The following COL5A1 variants were observed in gnomAD, a reference collection of about 807,000 sequenced individuals.
COL5A1 encodes the protein collagen alpha-1(V) chain.
A neutral mutation model predicts 263.7 loss-of-function variants in COL5A1; 16 were observed. That is an observed-to-expected ratio of 0.06 (90% CI 0.04 to 0.09). The LOEUF (loss-of-function observed/expected upper bound fraction) is 0.09, where lower values mean the gene tolerates loss of function less well. Ranked by LOEUF, COL5A1 falls within the 10% of genes least tolerant of loss-of-function variation. The pLI, the probability that COL5A1 is intolerant of heterozygous loss-of-function variation, is 1.00. For missense variants in COL5A1, 2,036 were observed against 2,540.5 expected (o/e 0.80, Z 4.27); for synonymous variants, 1,012 against 1,004.5 (o/e 1.01, Z -0.14).
rs1472449940 is a variant in COL5A1, at chr9:134,680,038, T to C, written c.110-10874T>C. On this transcript the variant is annotated intron_variant, in intron 1 of 65. Coordinates refer to ENST00000371817, the MANE Select transcript of COL5A1 (RefSeq NM_000093.5). This position sits in a 1 kb window ranked among gnomAD's most constrained non-coding sequence, Gnocchi z 5.9. ...TCTAGTGTCAGACACAGATGAGCCA[T>C]AGATCCTTTGCACAGAGAATCTCAT... 6.6e-6 allele frequency among the ~76,000 whole-genome samples: 1 copy of C among 151,964 alleles called. No homozygotes were observed. Among genetic ancestry groups the C allele is most frequent in the Admixed American group, 6.6e-5 (1 of 15,260 alleles).
chr9:134,705,057 A>G (rs774058963), intron 4 of COL5A1, among the ~76,000 whole-genome samples: 3 of 152,140 alleles, frequency 2.0e-5, no homozygotes, highest in Admixed American at 6.5e-5. Flanking sequence ...TGGAAGGACA[A>G]CTTCCGCTCA....
rs777465084 is a variant in COL5A1, at chr9:134,774,915, G to A, written c.2385+3G>A. On this transcript the variant is annotated splice_donor_region_variant and intron_variant, in intron 27 of 65. Transcript: ENST00000371817. Reference sequence around the variant, plus strand: ...ACCCAGGTCCTCGAGGAGTCAAGGTGAGAGAGACTCACGCCACTCCAGGTC... The same window carrying A: ...ACCCAGGTCCTCGAGGAGTCAAGGTAAGAGAGACTCACGCCACTCCAGGTC... 4 of 1,613,296 alleles carry A rather than the reference G, an allele frequency of 2.5e-6. No homozygotes were observed. Among genetic ancestry groups the A allele is most frequent in the Admixed American group, 3.3e-5 (2 of 59,926 alleles).
At chr9:134,727,123 G>A in intron 4 of COL5A1, 143 bp from the exon 5 acceptor site, 1 of 832,826 alleles carries the variant, frequency 1.2e-6, no homozygotes, top group Non-Finnish European at 2.0e-6. Context: ...CAGCTTCTAG[G>A]GAGAATGTTT....
intron 1 of COL5A1, among the ~76,000 whole-genome samples, chr9:134,687,441 ATCCAT>A (rs879715151): frequency 2.0e-4 from 31 of 151,468 alleles, no homozygotes; most frequent in Non-Finnish European, 4.0e-4. Flanking sequence ...CCATCCATCC[ATCCAT>A]CCATCCATCC....
At position 134,754,429 on chromosome 9, in the gene COL5A1, A is replaced by G; in HGVS notation, c.1827+103A>G. ...CCCAACAGCCAGCTGGGCCACATGA[A>G]GCCAGGTGGCTCCCCTTCTTGTGAT... On this transcript the variant is annotated intron_variant, in intron 16 of 65. Coordinates refer to ENST00000371817, the MANE Select transcript of COL5A1 (RefSeq NM_000093.5). This position sits in a 1 kb window ranked among gnomAD's most constrained non-coding sequence, Gnocchi z 4.3. The G allele has an allele frequency of 7.5e-7, 1 of 1,337,482 alleles. No individual in the cohort carries two copies. The highest frequency in any genetic ancestry group is 1.1e-6 in the Non-Finnish European group (1 of 931,352). 82.9% of individuals were successfully genotyped at this position (1,337,482 alleles called of 1,614,324 possible). A position where few individuals can be genotyped will look rare whatever the true frequency, so the allele number is the denominator to read the frequency against.
intron 65 of COL5A1, among the ~76,000 whole-genome samples, chr9:134,838,619 T>C (rs1839922318): frequency 6.6e-6 from 1 of 152,158 alleles, no homozygotes; most frequent in African/African-American, 2.4e-5. Flanking sequence ...CGTTCCTGAG[T>C]TCCACAACTG....
At chr9:134,651,986 CCCTT>C (rs1194990606) in intron 1 of COL5A1, among the ~76,000 whole-genome samples, 5 of 152,152 alleles carry the variant, frequency 3.3e-5, no homozygotes, top group African/African-American at 9.7e-5. Context: ...GTGGACGTTC[CCCTT>C]CCTTCTTTCT....
chr9:134,692,761 G>T (rs930981672), intron 2 of COL5A1, among the ~76,000 whole-genome samples: 2 of 152,102 alleles, frequency 1.3e-5, no homozygotes, highest in Admixed American at 6.6e-5. Context: ...TCAGGAATAC[G>T]GGCTAATTAT....
At chr9:134,822,890 CG>C in intron 59 of COL5A1, 107 bp from the exon 60 acceptor site, 1 of 1,218,968 alleles carries the variant, frequency 8.2e-7, no homozygotes, top group South Asian at 1.2e-5. Context: ...GAGGGGGATG[CG>C]GGTGGGAGAG....
In COL5A1 at chr9:134,823,003, G is replaced by A. The variant is rs762698462; in HGVS notation, c.4614G>A (p.Pro1538=). ...GPPGPPGLPG[P]PGPKGAKGSS... is the part of the protein sequence containing the mutation. ...CTGCCCTCCTCTCTCTGCAGGGTCC[G>A]CCTGGTCCAAAAGGTGCTAAGGGCT... Residue 1538 remains proline (P), a synonymous_variant, in exon 60 of 66, where the codon CCG becomes CCA. Transcript: ENST00000371817. 21 of 1,614,072 alleles carry A rather than the reference G, an allele frequency of 1.3e-5. No individual in the cohort carries two copies. In the Middle Eastern group the frequency reaches 6.6e-4, roughly 51 times the overall value.
At chr9:134,817,924 C>A in intron 54 of COL5A1, 93 bp downstream of exon 54, 2 of 1,322,622 alleles carry the variant, frequency 1.5e-6, no homozygotes, top group Non-Finnish European at 2.1e-6. Context: ...GCAGAGATGT[C>A]CATGGAGGCT....
In COL5A1 at chr9:134,798,394, G is replaced by C. The variant is rs2132811535; in HGVS notation, c.2899-14G>C. 6.2e-7 allele frequency: 1 copy of C among 1,613,822 alleles called. No individual in the cohort carries two copies. Among genetic ancestry groups the C allele is most frequent in the African/African-American group, 1.3e-5 (1 of 75,054 alleles). ...GACACGAATGAACCTCCTTTCCTTT[G>C]GTTTTTTCTTCAGGGCCCTCCAGGC... On this transcript the variant is annotated splice_polypyrimidine_tract_variant and intron_variant, in intron 36 of 65. Coordinates refer to ENST00000371817, the MANE Select transcript of COL5A1 (RefSeq NM_000093.5).
chr9:134,742,012 G>T lies in COL5A1; in HGVS notation c.1494+3204G>T, dbSNP rs1835322972. Reference sequence around the variant, plus strand: ...CAGCCGTGGGCAGCCGTGGCAATTGGCTGGGAGCCGTCTGTGCACCTGTGC... The same window carrying T: ...CAGCCGTGGGCAGCCGTGGCAATTGTCTGGGAGCCGTCTGTGCACCTGTGC... On this transcript the variant is annotated intron_variant, in intron 11 of 65. Transcript: ENST00000371817. The surrounding 1 kb of genome is among the most constrained non-coding windows in gnomAD (Gnocchi z 4.6). Among the ~76,000 whole-genome samples the T allele has an allele frequency of 6.6e-6, 1 of 152,126 alleles. No individual in the cohort carries two copies. The highest frequency in any genetic ancestry group is 1.5e-5 in the Non-Finnish European group (1 of 68,030).
At chr9:134,670,243 T>C (rs1021981215) in intron 1 of COL5A1, among the ~76,000 whole-genome samples, 5 of 152,242 alleles carry the variant, frequency 3.3e-5, no homozygotes, top group African/African-American at 9.6e-5. Context: ...ATGAACATCT[T>C]TCTGATAAAT....
At chr9:134,685,665 C>T (rs1833044634) in intron 1 of COL5A1, among the ~76,000 whole-genome samples, 1 of 137,140 alleles carries the variant, frequency 7.3e-6, no homozygotes, top group Non-Finnish European at 1.5e-5. Flanking sequence ...TTCATCCATC[C>T]ACCATCCATC....
Position 134,789,937 on chromosome 9 carries a change from C to T in COL5A1, c.2700+729C>T, listed in dbSNP as rs939385493. The stretch of plus-strand genomic sequence containing the variant: ...CTGGCCTTGTCCACGGGGCATATGG[C>T]GGGGACAGAGAAAGGCCAGTCTGTG... On this transcript the variant is annotated intron_variant, in intron 32 of 65. Transcript: ENST00000371817. The surrounding 1 kb of genome is among the most constrained non-coding windows in gnomAD (Gnocchi z 4.8). 3.3e-4 allele frequency among the ~76,000 whole-genome samples: 50 copies of T among 152,300 alleles called. No individual in the cohort carries two copies. Among genetic ancestry groups the T allele is most frequent in the African/African-American group, 1.0e-3 (42 of 41,564 alleles).
rs766319028 is a variant in COL5A1 at position 134,727,408 on chromosome 9, T to G, written c.786+11T>G. On this transcript the variant is annotated intron_variant, in intron 5 of 65. Transcript: ENST00000371817. ...AATCCAGATGAATATGTGAGTTAAC[T>G]CTGGCTGGGATCTTGGGGAGCATGA... 2.0e-5 allele frequency: 33 copies of G among 1,613,874 alleles called. No homozygotes were observed. Among genetic ancestry groups the G allele is most frequent in the Middle Eastern group, 1.6e-4 (1 of 6,084 alleles).
intron 18 of COL5A1, among the ~76,000 whole-genome samples, chr9:134,759,943 AC>A (rs1222104403): frequency 2.3e-5 from 2 of 87,386 alleles, no homozygotes; most frequent in Non-Finnish European, 4.1e-5. Flanking sequence ...ACGCATACAT[AC>A]CCCCACACCC....
intron 13 of COL5A1, among the ~76,000 whole-genome samples, chr9:134,751,529 G>A (rs924423506): frequency 6.6e-6 from 1 of 152,198 alleles, no homozygotes; most frequent in Non-Finnish European, 1.5e-5. Context: ...AGCCTGGGGG[G>A]TCCTAAGGAG....
Sources: gnomAD v4.1 joint callset for allele counts (sites outside exome capture counted in the v4.1 genomes callset) on GRCh38, gnomAD v4.1.1 for gene constraint, Gnocchi (gnomAD v3.1) non-coding constraint, MANE v1.5 for transcripts, NCBI Gene and HGNC (gene_info 2026-07-23, HGNC 2026-07-21) for gene names.